Variants in DDX11 observed in about 807,000 individuals in gnomAD.
The protein encoded by DDX11 is ATP-dependent DNA helicase DDX11.
Under a neutral mutation model 125.2 loss-of-function variants are expected in DDX11, and 72 were observed. The ratio of observed to expected loss-of-function variants is 0.58; its 90% confidence interval spans 0.48 to 0.70. The LOEUF is 0.70. Among genes scored for constraint, DDX11 ranks in the 30% least tolerant of loss-of-function variants. The pLI is 0.00. For synonymous variants in DDX11, 347 were observed against 452.6 expected (o/e 0.77, Z 2.96); for missense variants, 883 against 1,165.0 (o/e 0.76, Z 3.52).
At chr12:31,100,571 C>A (rs1294922376) in intron 18 of DDX11, 64 bp from the exon 19 acceptor site, 42 of 1,453,938 alleles carry the variant, frequency 2.9e-5, no homozygotes, top group Non-Finnish European at 3.9e-5. Flanking sequence ...CCAGACTTCT[C>A]GCTTCCTTTC....
At chr12:31,076,551 C>A (rs4931427) in intron 1 of DDX11, among the ~76,000 whole-genome samples, 4 of 151,968 alleles carry the variant, frequency 2.6e-5, no homozygotes, top group Non-Finnish European at 4.4e-5. Flanking sequence ...CCTGGTTTTC[C>A]ACTTTTTAGC....
At chr12:31,097,222 C>T (rs73290438) in intron 17 of DDX11, among the ~76,000 whole-genome samples, 80 of 142,900 alleles carry the variant, frequency 5.6e-4, no homozygotes, top group African/African-American at 9.1e-4. Context: ...TGGAGGTGGA[C>T]GGGAGGAGAT....
In DDX11 at chr12:31,084,792, G is replaced by A. The variant is rs545519763; in HGVS notation, c.480+123G>A. 3.5e-5 allele frequency: 37 copies of A among 1,050,444 alleles called. 1 individual carries two copies. The highest frequency in any genetic ancestry group is 2.4e-4 in the African/African-American group (15 of 62,512). The allele number at this position is 1,050,444 out of a possible 1,614,324, so 65.1% of individuals were successfully genotyped here. On this transcript the variant is annotated intron_variant, in intron 4 of 26. Coordinates refer to ENST00000542838, the MANE Select transcript of DDX11 (RefSeq NM_030653.4). The stretch of plus-strand genomic sequence containing the variant: ...TGACCCTCACTGGCTATGTGCTCCC[G>A]TACAGAAGCTGGGCTGTGAGTGGTT...
At chr12:31,098,477 G>A (rs1462251951) in intron 18 of DDX11, among the ~76,000 whole-genome samples, 3 of 152,378 alleles carry the variant, frequency 2.0e-5, no homozygotes, top group East Asian at 1.9e-4. Flanking sequence ...AAGCATGCAC[G>A]TATTTCAGTA....
intron 25 of DDX11, 53 bp downstream of exon 25, chr12:31,103,448 G>A: frequency 6.2e-6 from 10 of 1,601,466 alleles, no homozygotes; most frequent in South Asian, 1.1e-5. Context: ...GAGAAAGGGA[G>A]AACAGGAAAG....
chr12:31,102,558 C>T (rs375203522), intron 23 of DDX11, 31 bp downstream of exon 23: 20 of 1,598,298 alleles, frequency 1.3e-5, no homozygotes, highest in African/African-American at 4.0e-5. Context: ...TCTCCTGGGC[C>T]GTGATACATG....
intron 4 of DDX11, 49 bp from the exon 5 acceptor site, chr12:31,084,920 T>G (rs1266844558): frequency 2.6e-6 from 4 of 1,564,260 alleles, no homozygotes; most frequent in Non-Finnish European, 3.5e-6. Flanking sequence ...AGGTGGGTAC[T>G]GGTGCTGAGA....
chr12:31,096,696 G>A lies in DDX11; in HGVS notation c.1581G>A (p.Leu527=). Residue 527 remains leucine, a synonymous_variant, in exon 16 of 27, where the codon CTG becomes CTA. Coordinates refer to ENST00000542838, the MANE Select transcript of DDX11 (RefSeq NM_030653.4). ...TCTCATCCCGGGAGCAGCCCAAACT[G>A]GCTGGGTTTCAGCAATTCCTGCAGA... ...AVFSSREQPK[L]AGFQQFLQSL... 6.2e-7 allele frequency: 1 copy of A among 1,614,148 alleles called. No individual in the cohort carries two copies. Among genetic ancestry groups the A allele is most frequent in the Non-Finnish European group, 8.5e-7 (1 of 1,180,028 alleles).
At chr12:31,080,251 G>A (rs959000791) in intron 2 of DDX11, among the ~76,000 whole-genome samples, 1 of 150,884 alleles carries the variant, frequency 6.6e-6, no homozygotes, top group African/African-American at 2.5e-5. Context: ...AGGTACAGAC[G>A]CTGAAGCCCA....
intron 17 of DDX11, 124 bp downstream of exon 17, chr12:31,097,114 G>A (rs1242872709): frequency 7.5e-7 from 1 of 1,342,266 alleles, no homozygotes; most frequent in Non-Finnish European, 1.0e-6. Context: ...AGGAAGCAGT[G>A]CAGTGGGCAC....
intron 1 of DDX11, among the ~76,000 whole-genome samples, chr12:31,074,932 C>G (rs1463030473): frequency 6.6e-6 from 1 of 152,174 alleles, no homozygotes. Context: ...TTGGGATGTC[C>G]AAGATCAATG....
intron 17 of DDX11, 107 bp from the exon 18 acceptor site, chr12:31,097,778 C>T: frequency 1.4e-6 from 1 of 717,420 alleles, no homozygotes; most frequent in Non-Finnish European, 2.6e-6. Context: ...AGAGAAAGCA[C>T]TAGCACTTGT....
At chr12:31,089,745 G>A in intron 8 of DDX11, 141 bp from the exon 9 acceptor site, 1 of 1,463,790 alleles carries the variant, frequency 6.8e-7, no homozygotes, top group Non-Finnish European at 9.3e-7. Flanking sequence ...GTTCCGATGA[G>A]ACCACAGTAG....
rs1940648072 is a variant in DDX11, at chr12:31,075,975, TGAG to T, written c.-5+1889_-5+1891del. ...GGCCAGACAGCCGGAGAGGCTTCTCTGAGGAGGTGAGCCAAAGCCTGGATATTG... is the reference window on the plus strand; with the variant it reads ...GGCCAGACAGCCGGAGAGGCTTCTCTGAGGTGAGCCAAAGCCTGGATATTG... On this transcript the variant is annotated intron_variant, in intron 1 of 26. Coordinates refer to ENST00000542838, the MANE Select transcript of DDX11 (RefSeq NM_030653.4). Among the ~76,000 whole-genome samples, 8 of 152,120 alleles carry T rather than the reference TGAG, an allele frequency of 5.3e-5. 1 individual carries two copies. The South Asian group carries it at 1.7e-3, about 32-fold the overall frequency.
chr12:31,084,443 A>T (rs562002342), intron 3 of DDX11, 140 bp from the exon 4 acceptor site: 10 of 812,312 alleles, frequency 1.2e-5, no homozygotes, highest in Admixed American at 2.0e-5. Flanking sequence ...CCGGGAGGGG[A>T]TGCGGCAGCC....
rs779746853 is a variant in DDX11 at position 31,101,868 on chromosome 12, C to T, written c.2088C>T (p.Cys696=). The change falls in exon 21 of 27, where the codon TGC becomes TGT. Residue 696 remains cysteine (C), a synonymous_variant. Transcript: ENST00000542838. ...TGGGTCGCATTCTCTGTAACCTGTGCGGTGTGGTTCCTGGAGGGGTGGTCT... is the reference window on the plus strand; with the variant it reads ...TGGGTCGCATTCTCTGTAACCTGTGTGGTGTGGTTCCTGGAGGGGTGGTCT... ...DEVGRILCNL[C]GVVPGGVVCF... The T allele has an allele frequency of 5.0e-5, 80 of 1,613,794 alleles. No individual in the cohort carries two copies. In the South Asian group the frequency reaches 7.5e-4, roughly 15 times the overall value.
chr12:31,097,121 GC>G, intron 17 of DDX11, 131 bp downstream of exon 17: 1 of 1,218,052 alleles, frequency 8.2e-7, no homozygotes, highest in Non-Finnish European at 1.2e-6. Flanking sequence ...AGTGCAGTGG[GC>G]ACTGGCCTGC....
intron 12 of DDX11, chr12:31,094,364 G>A: frequency 1.7e-6 from 1 of 588,432 alleles, no homozygotes; most frequent in East Asian, 3.1e-5. Context: ...AACTTACAGG[G>A]CTTTGGGTTC....
chr12:31,076,525 G>A (rs146392946), intron 1 of DDX11, among the ~76,000 whole-genome samples: 1,922 of 152,256 alleles, frequency 0.013, 39 homozygotes, highest in African/African-American at 0.044. Context: ...GAGTCATTTG[G>A]ACCTGGATTC....
Sources: allele counts gnomAD v4.1 joint callset (sites outside exome capture counted in the v4.1 genomes callset), GRCh38; gene constraint gnomAD v4.1.1; transcripts MANE v1.5; gene names NCBI Gene and HGNC (gene_info 2026-07-23, HGNC 2026-07-21).